Variants in ZNF750 observed in about 807,000 individuals in gnomAD.
ZNF750 encodes the protein zinc finger protein 750.
ZNF750 carries 10 observed loss-of-function variants against 31.6 expected under a neutral mutation model. The observed-to-expected ratio is 0.32, with a 90% CI of 0.19 to 0.54. ZNF750 has a LOEUF of 0.54. ZNF750 is among the 20% of genes least tolerant of loss of function. ZNF750 has a pLI of 0.95. For synonymous variants in ZNF750, 400 were observed against 404.9 expected (o/e 0.99, Z 0.15); for missense variants, 914 against 934.9 (o/e 0.98, Z 0.29).
chr17:82,836,124 G>T (rs545708801), intron 1 of ZNF750, among the ~76,000 whole-genome samples: 30 of 152,346 alleles, frequency 2.0e-4, no homozygotes, highest in African/African-American at 7.0e-4. Context: ...TTCTTTATGG[G>T]CTCAGTCCCT....
At position 82,832,111 on chromosome 17, in the gene ZNF750, A is replaced by T; in HGVS notation, c.344T>A (p.Leu115Gln). The T allele has an allele frequency of 1.9e-6, 3 of 1,614,186 alleles. No individual in the cohort carries two copies. Among genetic ancestry groups the T allele is most frequent in the Non-Finnish European group, 2.5e-6 (3 of 1,180,022 alleles). ...SSAREDIKEN[L>Q]ELQARGTHRC... is the part of the protein sequence containing the mutation. Reference sequence around the variant, plus strand: ...GTGGGTTCCCCGGGCTTGCAGCTCCAGGTTTTCCTTGATGTCTTCCCTGGC... The same window carrying T: ...GTGGGTTCCCCGGGCTTGCAGCTCCTGGTTTTCCTTGATGTCTTCCCTGGC... The change falls in exon 2 of 3, where the codon CTG becomes CAG. Residue 115 changes from leucine (L) to glutamine (Q), a missense_variant. Around this residue, in one of 2 missense-constraint regions of ZNF750, gnomAD observed 880 missense variants for 868.9 expected, o/e 1.01. Transcript: ENST00000269394. This position sits in a 1 kb window ranked among gnomAD's most constrained non-coding sequence, Gnocchi z 4.9.
chr17:82,837,107 A>G (rs1244656073), intron 1 of ZNF750, among the ~76,000 whole-genome samples: 2 of 152,338 alleles, frequency 1.3e-5, no homozygotes, highest in Admixed American at 1.3e-4. Flanking sequence ...AGGTCACCTG[A>G]TCTGTAAAAC....
chr17:82,838,192 G>A (rs2054147155), intron 1 of ZNF750, among the ~76,000 whole-genome samples: 2 of 152,158 alleles, frequency 1.3e-5, no homozygotes, highest in Admixed American at 1.3e-4. Flanking sequence ...TGTCTAAATT[G>A]CCAATATACT....
chr17:82,830,137 C>T lies in ZNF750; in HGVS notation c.*5G>A, dbSNP rs909560537. The stretch of plus-strand genomic sequence containing the variant: ...AGCTCTGTGAACACACGTGTGAACC[C>T]GGCGTTAGGACACCCGGGCCCTCCT... On this transcript the variant is annotated 3_prime_UTR_variant, in exon 3 of 3. Transcript: ENST00000269394. The T allele has an allele frequency of 5.6e-6, 9 of 1,613,266 alleles. No individual in the cohort carries two copies. The highest frequency in any genetic ancestry group is 2.2e-5 in the South Asian group (2 of 91,042).
At chr17:82,834,096 C>T (rs1435361925) in intron 1 of ZNF750, among the ~76,000 whole-genome samples, 1 of 152,182 alleles carries the variant, frequency 6.6e-6, no homozygotes, top group African/African-American at 2.4e-5. Flanking sequence ...AGGCGCCCAC[C>T]ACCATGCCCA....
chr17:82,834,472 C>G (rs1191347974), intron 1 of ZNF750, among the ~76,000 whole-genome samples: 2 of 152,142 alleles, frequency 1.3e-5, no homozygotes, highest in Admixed American at 6.5e-5. Flanking sequence ...GACCCAAATG[C>G]CTATCAGTGA....
rs1191837825 is a variant in ZNF750, at chr17:82,830,502, G to A, written c.1812C>T (p.Leu604=). ...CTGTGGGTGGGGCCCCGTCACCGTCGAGGCTGCCTGGCTTGGTCTCAGGGT... is the reference window on the plus strand; with the variant it reads ...CTGTGGGTGGGGCCCCGTCACCGTCAAGGCTGCCTGGCTTGGTCTCAGGGT... The part of the protein sequence containing the change: ...PSHPETKPGS[L]DGDGAPPTGP... The change falls in exon 3 of 3, where the codon CTC becomes CTT. Residue 604 remains leucine (L), a synonymous_variant. Transcript: ENST00000269394. 3 of 1,613,532 alleles carry A rather than the reference G, an allele frequency of 1.9e-6. No individual in the cohort carries two copies. The highest frequency in any genetic ancestry group is 3.3e-5 in the Admixed American group (2 of 60,006).
At position 82,831,387 on chromosome 17, in the gene ZNF750, G is replaced by A. The variant is rs2053495789; in HGVS notation, c.1068C>T (p.Val356=). The A allele has an allele frequency of 1.9e-6, 3 of 1,614,070 alleles. No individual in the cohort carries two copies. The highest frequency in any genetic ancestry group is 1.7e-5 in the Admixed American group (1 of 60,012). ...SSHLLEEATL[V]YPASSPSRLN... ...ACCTGGAAGGACTCGAGGCTGGATA[G>A]ACCAGGGTGGCTTCTTCAAGCAGGT... Residue 356 remains valine, a synonymous_variant, in exon 2 of 3, where the codon GTC becomes GTT. Coordinates refer to ENST00000269394, the MANE Select transcript of ZNF750 (RefSeq NM_024702.3). The surrounding 1 kb of genome is among the most constrained non-coding windows in gnomAD (Gnocchi z 4.6).
At chr17:82,837,256 T>G (rs1023233396) in intron 1 of ZNF750, among the ~76,000 whole-genome samples, 3 of 152,248 alleles carry the variant, frequency 2.0e-5, no homozygotes. Context: ...CGACGGCCAG[T>G]ACCTCAGGCT....
rs895288333 is a variant in ZNF750 at position 82,833,868 on chromosome 17, G to C, written c.-182-1232C>G. 6.6e-6 allele frequency among the ~76,000 whole-genome samples: 1 copy of C among 152,208 alleles called. No individual in the cohort carries two copies. Among genetic ancestry groups the C allele is most frequent in the African/African-American group, 2.4e-5 (1 of 41,460 alleles). On this transcript the variant is annotated intron_variant, in intron 1 of 2. Transcript: ENST00000269394. This position sits in a 1 kb window ranked among gnomAD's most constrained non-coding sequence, Gnocchi z 4.7. ...TGGCCTGCTCTTTTGGATTCTTCCAGAGGGTCTCTGTGTCCCCCTTACCAG... is the reference window on the plus strand; with the variant it reads ...TGGCCTGCTCTTTTGGATTCTTCCACAGGGTCTCTGTGTCCCCCTTACCAG...
At position 82,829,705 on chromosome 17, in the gene ZNF750, T is replaced by C. The variant is rs1375053677; in HGVS notation, c.*437A>G. ...TAGTTATACAAATCACATTTTTCTTTTTTACATATGGCACTTTAATGTTAG... is the reference window on the plus strand; with the variant it reads ...TAGTTATACAAATCACATTTTTCTTCTTTACATATGGCACTTTAATGTTAG... On this transcript the variant is annotated 3_prime_UTR_variant, in exon 3 of 3. Transcript: ENST00000269394. 1 of 175,512 alleles carries C rather than the reference T, an allele frequency of 5.7e-6. No homozygotes were observed. The highest frequency in any genetic ancestry group is 1.2e-5 in the Non-Finnish European group (1 of 80,934). 10.9% of individuals were successfully genotyped at this position (175,512 alleles called of 1,614,324 possible).
chr17:82,835,336 C>G lies in ZNF750; in HGVS notation c.-182-2700G>C, dbSNP rs1345935302. Among the ~76,000 whole-genome samples the G allele has an allele frequency of 6.6e-6, 1 of 152,208 alleles. No individual in the cohort carries two copies. The highest frequency in any genetic ancestry group is 2.4e-5 in the African/African-American group (1 of 41,462). ...CCAGGGGCCAGGGGTGGTGGCTGGG[C>G]TTTCATATGGCTGCCCCGAACTCTG... On this transcript the variant is annotated intron_variant, in intron 1 of 2. Transcript: ENST00000269394. The surrounding 1 kb of genome is among the most constrained non-coding windows in gnomAD (Gnocchi z 4.5).
intron 1 of ZNF750, among the ~76,000 whole-genome samples, 160 bp downstream of exon 1, chr17:82,839,767 A>C (rs1052165267): frequency 6.6e-6 from 1 of 152,262 alleles, no homozygotes; most frequent in African/African-American, 2.4e-5. Context: ...CGTGGTCTGC[A>C]TCCCAGCCAT....
In ZNF750 at chr17:82,833,924, C is replaced by T. The variant is rs542412692; in HGVS notation, c.-182-1288G>A. ...GGTTTCCTTCAGAGGCTGTGCCGCA[C>T]GCCCAAGGCTGAGAACAAAGGCTGT... On this transcript the variant is annotated intron_variant, in intron 1 of 2. Coordinates refer to ENST00000269394, the MANE Select transcript of ZNF750 (RefSeq NM_024702.3). This position sits in a 1 kb window ranked among gnomAD's most constrained non-coding sequence, Gnocchi z 4.7. Among the ~76,000 whole-genome samples, 8 of 151,900 alleles carry T rather than the reference C, an allele frequency of 5.3e-5. No individual in the cohort carries two copies. The highest frequency in any genetic ancestry group is 7.4e-5 in the Non-Finnish European group (5 of 67,998).
chr17:82,839,411 A>T (rs2054270853), intron 1 of ZNF750, among the ~76,000 whole-genome samples: 7 of 151,934 alleles, frequency 4.6e-5, no homozygotes. Flanking sequence ...TATAACCCTA[A>T]ATTCAGCCCT....
chr17:82,838,666 C>G (rs1002103012), intron 1 of ZNF750: 1 of 985,474 alleles, frequency 1.0e-6, no homozygotes, highest in Non-Finnish European at 1.2e-6. Flanking sequence ...TTGACTGCCA[C>G]TCCCTCCCAG....
rs1028994504 is a variant in ZNF750 at position 82,831,542 on chromosome 17, A to G, written c.913T>C (p.Tyr305His). Reference sequence around the variant, plus strand: ...GAGGGATATTGCTGGAAAAACCTGTAGTGATCGTATGTGGCTGGAGATGGA... The same window carrying G: ...GAGGGATATTGCTGGAAAAACCTGTGGTGATCGTATGTGGCTGGAGATGGA... Reference protein sequence around the residue: ...LAPSPATYDHYRFFQQYPSNL... With the variant: ...LAPSPATYDHHRFFQQYPSNL... Residue 305 changes from tyrosine (Y) to histidine (H), a missense_variant, in exon 2 of 3, where the codon TAC (tyrosine) becomes CAC (histidine). Tyr to His is a moderately conservative substitution (Grantham distance 83). Transcript: ENST00000269394. The surrounding 1 kb of genome is among the most constrained non-coding windows in gnomAD (Gnocchi z 4.6). 1 of 1,614,048 alleles carries G rather than the reference A, an allele frequency of 6.2e-7. No homozygotes were observed. The highest frequency in any genetic ancestry group is 1.3e-5 in the African/African-American group (1 of 74,980).
chr17:82,830,205 C>T lies in ZNF750; in HGVS notation c.2109G>A (p.Lys703=), dbSNP rs2053353387. 1 of 1,614,262 alleles carries T rather than the reference C, an allele frequency of 6.2e-7. No individual in the cohort carries two copies. The highest frequency in any genetic ancestry group is 1.1e-5 in the South Asian group (1 of 91,092). ...TGGCCGTGTCCTGCAGCTTCGCCTT[C>T]TTAGCTCCTTGCTGGGATTTTCCAG... The part of the protein sequence containing the change: ...RDAGKSQQGA[K]KAKLQDTARV... The change falls in exon 3 of 3, where the codon AAG becomes AAA. Residue 703 remains lysine, a synonymous_variant. Coordinates refer to ENST00000269394, the MANE Select transcript of ZNF750 (RefSeq NM_024702.3).
rs750293670 is a variant in ZNF750, at chr17:82,831,939, C to T, written c.516G>A (p.Gly172=). The T allele has an allele frequency of 5.6e-6, 9 of 1,613,992 alleles. No homozygotes were observed. The highest frequency in any genetic ancestry group is 4.4e-5 in the South Asian group (4 of 91,082). Residue 172 remains glycine (G), a synonymous_variant, in exon 2 of 3, where the codon GGG becomes GGA. Transcript: ENST00000269394. This position sits in a 1 kb window ranked among gnomAD's most constrained non-coding sequence, Gnocchi z 4.6. Reference sequence around the variant, plus strand: ...TCTCGGGCGCCTCGGCGTTGTCTGGCCCCTTGAGTCTGTGCTCGCCGACTG... The same window carrying T: ...TCTCGGGCGCCTCGGCGTTGTCTGGTCCCTTGAGTCTGTGCTCGCCGACTG... The part of the protein sequence containing the change: ...FVPVGEHRLK[G]PDNAEAPETL...
Sources: allele counts gnomAD v4.1 joint callset (sites outside exome capture counted in the v4.1 genomes callset), GRCh38; gene constraint gnomAD v4.1.1; regional missense constraint gnomAD v4.1.1; non-coding constraint Gnocchi (gnomAD v3.1); transcripts MANE v1.5; gene names NCBI Gene and HGNC (gene_info 2026-07-23, HGNC 2026-07-21).